ALK: variants seen among roughly 807,000 people sequenced by gnomAD.
ALK encodes ALK tyrosine kinase receptor.
In ALK, 74 loss-of-function variants were observed where a neutral mutation model predicts 163.1. The observed-to-expected ratio is 0.45, with a 90% CI of 0.38 to 0.55. The LOEUF (loss-of-function observed/expected upper bound fraction) is 0.55, where lower values mean the gene tolerates loss of function less well. Among genes scored for constraint, ALK ranks in the 20% least tolerant of loss-of-function variants. The pLI is 0.00. For synonymous variants in ALK, 960 were observed against 843.2 expected (o/e 1.14, Z -2.40); for missense variants, 2,063 against 2,105.3 (o/e 0.98, Z 0.39).
chr2:29,225,487 A>G lies in ALK; in HGVS notation c.3146T>C (p.Val1049Ala). The G allele has an allele frequency of 6.2e-7, 1 of 1,613,406 alleles. No individual in the cohort carries two copies. Residue 1049 changes from valine (V) to alanine (A), a missense_variant, in exon 19 of 29, where the codon GTC becomes GCC. Val to Ala is a moderately conservative substitution (Grantham distance 64, BLOSUM62 0). Coordinates refer to ENST00000389048, the MANE Select transcript of ALK (RefSeq NM_004304.5). ...VVTSALVAAL[V>A]LAFSGIMIVY... ...AATCATGATGCCGGAGAAAGCCAGG[A>G]CCAGGGCGGCCACGAGGGCAGAGGT... is the stretch of plus-strand genomic sequence containing the variant.
chr2:29,799,606 GC>G (rs1664410447), intron 1 of ALK, among the ~76,000 whole-genome samples: 1 of 152,152 alleles, frequency 6.6e-6, no homozygotes, highest in Non-Finnish European at 1.5e-5. Context: ...CATCACTTGA[GC>G]CAGGAGTTCA....
intron 1 of ALK, among the ~76,000 whole-genome samples, chr2:29,791,481 G>C (rs1264851385): frequency 6.6e-6 from 1 of 152,146 alleles, no homozygotes; most frequent in Non-Finnish European, 1.5e-5. Flanking sequence ...GCCTGTCGAG[G>C]GGTGGTGGGT....
chr2:29,233,557 C>T lies in ALK; in HGVS notation c.2487+8G>A. 2 of 1,614,154 alleles carry T rather than the reference C, an allele frequency of 1.2e-6. No individual in the cohort carries two copies. Among genetic ancestry groups the T allele is most frequent in the Non-Finnish European group, 1.7e-6 (2 of 1,180,034 alleles). ...AACCTGGTGGAAATCTGGCAGCACA[C>T]ACCATACCTTAAATACGTAGGTGGC... On this transcript the variant is annotated splice_region_variant and intron_variant, in intron 14 of 28. Coordinates refer to ENST00000389048, the MANE Select transcript of ALK (RefSeq NM_004304.5).
intron 3 of ALK, among the ~76,000 whole-genome samples, chr2:29,672,098 T>C (rs1677710285): frequency 6.6e-6 from 1 of 151,354 alleles, no homozygotes; most frequent in South Asian, 2.1e-4. Context: ...ATGTCTTTTA[T>C]TTAGGGAGGT....
chr2:29,670,680 C>A (rs1677656368), intron 3 of ALK, among the ~76,000 whole-genome samples: 1 of 152,036 alleles, frequency 6.6e-6, no homozygotes, highest in African/African-American at 2.4e-5. Context: ...ATCTTACAGG[C>A]AATCTTCATT....
At chr2:29,265,498 C>T (rs569669957) in intron 11 of ALK, among the ~76,000 whole-genome samples, 32 of 152,162 alleles carry the variant, frequency 2.1e-4, no homozygotes, top group African/African-American at 5.8e-4. Context: ...ACTATTTTGA[C>T]GCTCAGGGAG....
At chr2:29,762,025 C>T (rs767524575) in intron 1 of ALK, among the ~76,000 whole-genome samples, 6 of 152,104 alleles carry the variant, frequency 3.9e-5, no homozygotes, top group Admixed American at 1.3e-4. Flanking sequence ...GGGGAATAAT[C>T]GCAATCTGCA....
intron 2 of ALK, among the ~76,000 whole-genome samples, chr2:29,696,120 A>G (rs898940984): frequency 2.0e-5 from 3 of 152,224 alleles, no homozygotes; most frequent in African/African-American, 4.8e-5. Flanking sequence ...GATAGCAAAG[A>G]CTTGGAACCA....
Position 29,631,770 on chromosome 2 carries a change from G to A in ALK, c.952+63080C>T, listed in dbSNP as rs370553030. 7.2e-5 allele frequency among the ~76,000 whole-genome samples: 11 copies of A among 152,224 alleles called. No homozygotes were observed. In the East Asian group the frequency reaches 9.6e-4, roughly 13 times the overall value. ...GAGAATAAAGATTAGGTATCACAAC[G>A]TGGCCCTCAAGGCCCCACACCATTT... is the stretch of plus-strand genomic sequence containing the variant. On this transcript the variant is annotated intron_variant, in intron 3 of 28. Transcript: ENST00000389048.
intron 15 of ALK, among the ~76,000 whole-genome samples, chr2:29,229,544 T>A (rs1664129984): frequency 6.6e-6 from 1 of 152,200 alleles, no homozygotes; most frequent in South Asian, 2.1e-4. Flanking sequence ...TAAAGTTCCT[T>A]GCAGGAATCC....
chr2:29,603,740 A>T (rs1258396471), intron 3 of ALK, among the ~76,000 whole-genome samples: 1 of 152,154 alleles, frequency 6.6e-6, no homozygotes, highest in Non-Finnish European at 1.5e-5. Flanking sequence ...CTCTGGAAAC[A>T]TCCTGAAGCA....
chr2:29,690,055 G>A (rs1229870061), intron 3 of ALK, among the ~76,000 whole-genome samples: 1 of 152,188 alleles, frequency 6.6e-6, no homozygotes, highest in Non-Finnish European at 1.5e-5. Flanking sequence ...AAGCCATCCG[G>A]TTTGTAAGAA....
chr2:29,409,852 T>C (rs554911168), intron 4 of ALK, among the ~76,000 whole-genome samples: 1 of 152,284 alleles, frequency 6.6e-6, no homozygotes, highest in South Asian at 2.1e-4. Context: ...TTCATTTCTC[T>C]ACCCCATTAC....
chr2:29,576,531 C>G (rs1040899966), intron 3 of ALK, among the ~76,000 whole-genome samples: 5 of 152,234 alleles, frequency 3.3e-5, no homozygotes, highest in African/African-American at 1.2e-4. Context: ...GGTTCTCTGC[C>G]TGATGACTGC....
intron 1 of ALK, among the ~76,000 whole-genome samples, chr2:29,816,175 A>G (rs372780013): frequency 6.6e-6 from 1 of 152,232 alleles, no homozygotes; most frequent in South Asian, 2.1e-4. Flanking sequence ...TAAGGAAACA[A>G]AACAAATCCA....
chr2:29,821,782 A>C (rs1014661003), intron 1 of ALK, among the ~76,000 whole-genome samples: 4 of 152,154 alleles, frequency 2.6e-5, no homozygotes, highest in Admixed American at 6.5e-5. Context: ...GGGGAAGAGA[A>C]GGGAAACTCA....
intron 4 of ALK, among the ~76,000 whole-genome samples, chr2:29,397,018 G>A (rs1206898325): frequency 1.3e-5 from 2 of 152,014 alleles, no homozygotes; most frequent in Admixed American, 1.3e-4. Flanking sequence ...AAGGTGGCAT[G>A]TGCCACTATT....
chr2:29,741,294 A>G (rs1680051882), intron 1 of ALK, among the ~76,000 whole-genome samples: 1 of 152,200 alleles, frequency 6.6e-6, no homozygotes, highest in Non-Finnish European at 1.5e-5. Context: ...ATCAAAAGTG[A>G]ACCCTAATGT....
intron 1 of ALK, among the ~76,000 whole-genome samples, chr2:29,848,309 G>T (rs1288593344): frequency 1.3e-5 from 2 of 150,338 alleles, no homozygotes; most frequent in African/African-American, 2.4e-5. Flanking sequence ...AGAACATGCA[G>T]CCTGCATGTT....
Sources: allele counts gnomAD v4.1 joint callset (sites outside exome capture counted in the v4.1 genomes callset), GRCh38; gene constraint gnomAD v4.1.1; transcripts MANE v1.5; gene names NCBI Gene and HGNC (gene_info 2026-07-23, HGNC 2026-07-21).